Variants in BANP observed in about 807,000 individuals in gnomAD.
BANP encodes the protein BTG3 associated nuclear protein.
Under a neutral mutation model 68.1 loss-of-function variants are expected in BANP, and 11 were observed. That is an observed-to-expected ratio of 0.16 (90% confidence interval 0.10 to 0.27). BANP has a LOEUF of 0.27. BANP is among the 10% of genes least tolerant of loss of function. BANP has a pLI of 1.00. For missense variants in BANP, 504 were observed against 722.7 expected (o/e 0.70, Z 3.47); for synonymous variants, 329 against 303.2 (o/e 1.09, Z -0.88).
intron 11 of BANP, among the ~76,000 whole-genome samples, chr16:88,060,272 G>A (rs80343218): frequency 2.0e-5 from 3 of 152,360 alleles, no homozygotes; most frequent in Non-Finnish European, 4.4e-5. Flanking sequence ...CCCACCTGAC[G>A]AGGGGTCTCT....
intron 1 of BANP, among the ~76,000 whole-genome samples, chr16:87,960,521 C>G (rs2058943794): frequency 6.6e-6 from 1 of 152,166 alleles, no homozygotes; most frequent in South Asian, 2.1e-4. Context: ...GAGATGTATA[C>G]ATATGTGGCA....
chr16:88,074,921 G>A (rs73235267), intron 13 of BANP, among the ~76,000 whole-genome samples: 13,077 of 152,214 alleles, frequency 0.086, 775 homozygotes, highest in South Asian at 0.26. Flanking sequence ...AGCACAACCT[G>A]GACCAGGTGC....
At chr16:87,996,553 C>T (rs985928862) in intron 4 of BANP, among the ~76,000 whole-genome samples, 2 of 141,248 alleles carry the variant, frequency 1.4e-5, no homozygotes, top group Non-Finnish European at 3.1e-5. Context: ...TCCTGGGCGC[C>T]GGCTGGGCTC....
At chr16:87,996,156 C>A (rs143693054) in intron 4 of BANP, among the ~76,000 whole-genome samples, 1 of 152,144 alleles carries the variant, frequency 6.6e-6, no homozygotes, top group Non-Finnish European at 1.5e-5. Flanking sequence ...CAGCAGCCAC[C>A]GACGGCGGTG....
intron 12 of BANP, among the ~76,000 whole-genome samples, chr16:88,066,946 C>T (rs773409321): frequency 2.6e-5 from 4 of 152,212 alleles, no homozygotes; most frequent in South Asian, 2.1e-4. Context: ...TCAGAGCCAT[C>T]GGCCGGGGCA....
chr16:87,970,582 G>A (rs2060923325), intron 1 of BANP, among the ~76,000 whole-genome samples: 1 of 152,068 alleles, frequency 6.6e-6, no homozygotes, highest in East Asian at 1.9e-4. Context: ...CAAATTAAAG[G>A]CTTAATAATA....
chr16:88,009,394 C>G (rs1485558494), intron 6 of BANP, among the ~76,000 whole-genome samples: 1 of 152,194 alleles, frequency 6.6e-6, no homozygotes, highest in African/African-American at 2.4e-5. Flanking sequence ...TGCCTTAAGT[C>G]TTAGAGAACC....
Position 88,018,540 on chromosome 16 carries a change from C to A in BANP, c.768C>A (p.Ala256=), listed in dbSNP as rs17850504. The part of the protein sequence containing the change: ...MLHISTNCRT[A]EKMALTLLDY... Reference sequence around the variant, plus strand: ...ACATCAGCACCAACTGCCGCACGGCCGAGAAGATGGCGCTCACGCTGCTGG... The same window carrying A: ...ACATCAGCACCAACTGCCGCACGGCAGAGAAGATGGCGCTCACGCTGCTGG... Residue 256 remains alanine (A), a synonymous_variant, in exon 7 of 14, where the codon GCC becomes GCA. Transcript: ENST00000682872. This position sits in a 1 kb window ranked among gnomAD's most constrained non-coding sequence, Gnocchi z 7.7. 1 of 1,613,220 alleles carries A rather than the reference C, an allele frequency of 6.2e-7. No individual in the cohort carries two copies. Among genetic ancestry groups the A allele is most frequent in the African/African-American group, 1.3e-5 (1 of 74,908 alleles).
intron 1 of BANP, among the ~76,000 whole-genome samples, chr16:87,958,465 A>T (rs954542763): frequency 6.6e-6 from 1 of 152,188 alleles, no homozygotes; most frequent in African/African-American, 2.4e-5. Flanking sequence ...ATGTGTGTCT[A>T]CTAGCGGGTG....
At chr16:88,076,457 C>T (rs938653598) in intron 13 of BANP, 133 bp from the exon 14 acceptor site, 4 of 705,942 alleles carry the variant, frequency 5.7e-6, no homozygotes, top group Middle Eastern at 2.6e-4. Flanking sequence ...AGCCTTGGGG[C>T]CGTCAGGGCT....
intron 11 of BANP, among the ~76,000 whole-genome samples, chr16:88,047,625 C>T (rs868420263): frequency 4.6e-5 from 7 of 152,104 alleles, no homozygotes; most frequent in East Asian, 1.9e-4. Flanking sequence ...TAATTCAGGG[C>T]GCCGGGCCTC....
rs1025003110 is a variant in BANP at position 87,975,142 on chromosome 16, T to C, written c.27T>C (p.Asp9=). ...TGATGTCGGAACACGACCTGGCCGATGTGGTTCAGATTGCAGTGGAAGACC... is the reference window on the plus strand; with the variant it reads ...TGATGTCGGAACACGACCTGGCCGACGTGGTTCAGATTGCAGTGGAAGACC... The part of the protein sequence containing the change: MMSEHDLA[D]VVQIAVEDLS... The change falls in exon 2 of 14, where the codon GAT becomes GAC. Residue 9 remains aspartate, a synonymous_variant. Coordinates refer to ENST00000682872, the MANE Select transcript of BANP (RefSeq NM_001386991.1). The C allele has an allele frequency of 1.9e-6, 3 of 1,614,020 alleles. No homozygotes were observed. Among genetic ancestry groups the C allele is most frequent in the African/African-American group, 1.3e-5 (1 of 74,916 alleles).
intron 11 of BANP, among the ~76,000 whole-genome samples, chr16:88,038,837 A>G (rs994486864): frequency 6.6e-6 from 1 of 152,208 alleles, no homozygotes; most frequent in African/African-American, 2.4e-5. Flanking sequence ...AATCTGGGTG[A>G]TCTTCCCATT....
chr16:88,031,362 G>A (rs2078131339), intron 8 of BANP, among the ~76,000 whole-genome samples: 1 of 152,172 alleles, frequency 6.6e-6, no homozygotes, highest in Non-Finnish European at 1.5e-5. Flanking sequence ...CTGTTAATGT[G>A]ACTGGGCACA....
chr16:87,953,848 TG>T (rs2057489171), intron 1 of BANP, among the ~76,000 whole-genome samples: 1 of 152,238 alleles, frequency 6.6e-6, no homozygotes, highest in South Asian at 2.1e-4. Context: ...CTTCTGTAGC[TG>T]GGTATGTTCA....
chr16:87,977,103 C>T (rs1598002650), intron 2 of BANP, among the ~76,000 whole-genome samples: 1 of 152,034 alleles, frequency 6.6e-6, no homozygotes, highest in African/African-American at 2.4e-5. Context: ...ACTGCGATTT[C>T]TTGAGTATTT....
At chr16:88,038,177 T>C (rs1354594789) in intron 11 of BANP, among the ~76,000 whole-genome samples, 166 bp downstream of exon 11, 1 of 146,692 alleles carries the variant, frequency 6.8e-6, no homozygotes, top group East Asian at 2.0e-4. Flanking sequence ...ACGGTCATTG[T>C]GGGCATTGCG....
At chr16:88,006,643 C>CAA (rs762203875) in intron 6 of BANP, among the ~76,000 whole-genome samples, 9 of 100,236 alleles carry the variant, frequency 9.0e-5, no homozygotes, top group East Asian at 2.8e-4. Context: ...AACTCCATCT[C>CAA]AAAAAAAAAA....
Position 87,984,223 on chromosome 16 carries a change from C to G in BANP, c.326C>G (p.Pro109Arg). The G allele has an allele frequency of 5.6e-6, 9 of 1,605,420 alleles. No individual in the cohort carries two copies. Among genetic ancestry groups the G allele is most frequent in the Non-Finnish European group, 7.7e-6 (9 of 1,175,290 alleles). The stretch of plus-strand genomic sequence containing the variant: ...CAGGTCCCCATGGTGGCCGGCTCCC[C>G]TCTCGGGGCAACCCAGACGTGCAAC... ...PIQVPMVAGS[P>R]LGATQTCNKV... The change falls in exon 4 of 14, where the codon CCT becomes CGT. Residue 109 changes from proline (P) to arginine (R), a missense_variant. Coordinates refer to ENST00000682872, the MANE Select transcript of BANP (RefSeq NM_001386991.1).
Sources: gnomAD v4.1 joint callset for allele counts (sites outside exome capture counted in the v4.1 genomes callset) on GRCh38, gnomAD v4.1.1 for gene constraint, Gnocchi (gnomAD v3.1) non-coding constraint, MANE v1.5 for transcripts, NCBI Gene and HGNC (gene_info 2026-07-23, HGNC 2026-07-21) for gene names.